Variants in NFKB2 observed in about 807,000 individuals in gnomAD.
NFKB2 encodes nuclear factor kappa B subunit 2.
In NFKB2, 21 loss-of-function variants were observed where a neutral mutation model predicts 109.3. The ratio of observed to expected loss-of-function variants is 0.19; its 90% confidence interval spans 0.14 to 0.28. The LOEUF is 0.28. Ranked by LOEUF, NFKB2 falls within the 10% of genes least tolerant of loss-of-function variation. NFKB2 has a pLI of 1.00. For synonymous variants in NFKB2, 478 were observed against 489.9 expected (o/e 0.98, Z 0.32); for missense variants, 806 against 1,185.3 (o/e 0.68, Z 4.70).
Position 102,397,250 on chromosome 10 carries a change from C to T in NFKB2, c.396-52C>T, listed in dbSNP as rs1195768319. ...CTGAGCCCTGGCAATGGGAAAGGTG[C>T]CTCAGGAAGAAAGAACTGCATGGCC... On this transcript the variant is annotated intron_variant, in intron 6 of 22. Coordinates refer to ENST00000661543, the MANE Select transcript of NFKB2 (RefSeq NM_001322934.2). The surrounding 1 kb of genome is among the most constrained non-coding windows in gnomAD (Gnocchi z 4.7). The T allele has an allele frequency of 1.3e-6, 2 of 1,578,858 alleles. No homozygotes were observed. The highest frequency in any genetic ancestry group is 1.7e-6 in the Non-Finnish European group (2 of 1,149,842).
At position 102,396,531 on chromosome 10, in the gene NFKB2, G is replaced by A. The variant is rs1205085788; in HGVS notation, c.144+42G>A. On this transcript the variant is annotated intron_variant, in intron 4 of 22. Coordinates refer to ENST00000661543, the MANE Select transcript of NFKB2 (RefSeq NM_001322934.2). The surrounding 1 kb of genome is among the most constrained non-coding windows in gnomAD (Gnocchi z 5.9). ...GAGGGTGTGGAATGGCTTCAGCTTT[G>A]GGGACAAATGGGGTAGTGGTAGCTG... is the stretch of plus-strand genomic sequence containing the variant. 1.9e-6 allele frequency: 3 copies of A among 1,612,944 alleles called. No individual in the cohort carries two copies. Among genetic ancestry groups the A allele is most frequent in the African/African-American group, 2.7e-5 (2 of 74,886 alleles).
Position 102,397,029 on chromosome 10 carries a change from T to C in NFKB2, c.369T>C (p.Ser123=). 1.2e-6 allele frequency: 2 copies of C among 1,613,280 alleles called. No homozygotes were observed. The highest frequency in any genetic ancestry group is 1.7e-6 in the Non-Finnish European group (2 of 1,179,516). ...QCSELGICAV[S]VGPKDMTAQF... Reference sequence around the variant, plus strand: ...CGGAGCTGGGGATCTGCGCCGTTTCTGTGGGGCCCAAGGACATGACTGCCC... The same window carrying C: ...CGGAGCTGGGGATCTGCGCCGTTTCCGTGGGGCCCAAGGACATGACTGCCC... Residue 123 remains serine (S), a synonymous_variant, in exon 6 of 23, where the codon TCT becomes TCC. Coordinates refer to ENST00000661543, the MANE Select transcript of NFKB2 (RefSeq NM_001322934.2). The surrounding 1 kb of genome is among the most constrained non-coding windows in gnomAD (Gnocchi z 4.7).
intron 14 of NFKB2, 169 bp downstream of exon 14, chr10:102,399,887 G>A (rs2061197283): frequency 4.4e-6 from 5 of 1,133,542 alleles, no homozygotes; most frequent in South Asian, 1.6e-5. Flanking sequence ...TTGGTCGACC[G>A]TGCAAGGGGT....
At chr10:102,399,828 C>A in intron 14 of NFKB2, 110 bp downstream of exon 14, 1 of 1,400,816 alleles carries the variant, frequency 7.1e-7, no homozygotes, top group South Asian at 1.5e-5. Flanking sequence ...AGTCCGGCCT[C>A]GGTGTTCACA....
At position 102,395,932 on chromosome 10, in the gene NFKB2, T is replaced by G. The variant is rs753214019; in HGVS notation, c.-28T>G. 7.5e-6 allele frequency: 12 copies of G among 1,597,176 alleles called. No individual in the cohort carries two copies. In the Middle Eastern group the frequency reaches 5.0e-4, roughly 66 times the overall value. On this transcript the variant is annotated 5_prime_UTR_variant, in exon 2 of 23. Transcript: ENST00000661543. ...GGAAGCAGAACCTGGCCGGAGCCAC[T>G]AGACAGAGCCGGGCCTAGCCCAGAG...
At chr10:102,395,653 C>T, upstream of NFKB2, 1 of 501,678 alleles carries the variant, frequency 2.0e-6, no homozygotes, top group Admixed American at 3.5e-5. Context: ...CAGGCCCGCC[C>T]CCTCCGGCCC....
Position 102,402,124 on chromosome 10 carries a change from G to T in NFKB2, c.2543G>T (p.Arg848Met). The T allele has an allele frequency of 6.3e-7, 1 of 1,579,528 alleles. No individual in the cohort carries two copies. The highest frequency in any genetic ancestry group is 2.3e-5 in the East Asian group (1 of 43,002). Residue 848 changes from arginine to methionine, a missense_variant, in exon 22 of 23, where the codon AGG becomes ATG. Arg to Met is a moderately conservative substitution (Grantham distance 91, BLOSUM62 -1). Transcript: ENST00000661543. ...MGLEEGVRLL[R>M]GPETRDKLPS... ...CTAGAGGAGGGAGTGAGGCTGCTGA[G>T]GGGTCCAGAAACCCGAGACAAGCTG...
chr10:102,396,931 A>C lies in NFKB2; in HGVS notation c.271A>C (p.Ile91Leu). 1 of 1,606,396 alleles carries C rather than the reference A, an allele frequency of 6.2e-7. No homozygotes were observed. Among genetic ancestry groups the C allele is most frequent in the South Asian group, 1.1e-5 (1 of 90,982 alleles). The change falls in exon 6 of 23, where the codon ATC becomes CTC. Residue 91 changes from isoleucine (I) to leucine (L), a missense_variant. This residue lies in a region of NFKB2 where 24 missense variants were observed against 105.2 expected (regional missense o/e 0.23). Coordinates refer to ENST00000661543, the MANE Select transcript of NFKB2 (RefSeq NM_001322934.2). This position sits in a 1 kb window ranked among gnomAD's most constrained non-coding sequence, Gnocchi z 5.9. ...CTGTAACTACGAGGGACCAGCCAAG[A>C]TCGAGGTGGACCTGGTAACACACAG... Reference protein sequence around the residue: ...KICNYEGPAKIEVDLVTHSDP... With the variant: ...KICNYEGPAKLEVDLVTHSDP...
Position 102,396,230 on chromosome 10 carries a change from C to T in NFKB2, c.22-23C>T. ...GGGGGGTGCTGAGAGTCGGATGCCA[C>T]CCCCAGTCTGTCTCCAAACCAGGGT... On this transcript the variant is annotated intron_variant, in intron 2 of 22. Coordinates refer to ENST00000661543, the MANE Select transcript of NFKB2 (RefSeq NM_001322934.2). This position sits in a 1 kb window ranked among gnomAD's most constrained non-coding sequence, Gnocchi z 5.9. The T allele has an allele frequency of 1.3e-6, 2 of 1,595,464 alleles. No individual in the cohort carries two copies. Among genetic ancestry groups the T allele is most frequent in the Non-Finnish European group, 1.7e-6 (2 of 1,165,670 alleles).
chr10:102,398,275 C>A lies in NFKB2; in HGVS notation c.830C>A (p.Ser277Tyr). ...GGATGGCAGGCCTTTGGGGACTTCT[C>A]TCCCACAGATGTGCATAAACAGGTA... Reference protein sequence around the residue: ...ENGWQAFGDFSPTDVHKQYAI... With the variant: ...ENGWQAFGDFYPTDVHKQYAI... Residue 277 changes from serine to tyrosine, a missense_variant, in exon 10 of 23, where the codon TCT (serine) becomes TAT (tyrosine). This residue lies in a region of NFKB2 where 64 missense variants were observed against 177.4 expected (regional missense o/e 0.36). Transcript: ENST00000661543. This position sits in a 1 kb window ranked among gnomAD's most constrained non-coding sequence, Gnocchi z 6.6. 1.2e-6 allele frequency: 2 copies of A among 1,614,182 alleles called. No homozygotes were observed. Among genetic ancestry groups the A allele is most frequent in the South Asian group, 1.1e-5 (1 of 91,084 alleles).
At position 102,398,769 on chromosome 10, in the gene NFKB2, A is replaced by C; in HGVS notation, c.1022A>C (p.Lys341Thr). Residue 341 changes from lysine (K) to threonine (T), a missense_variant, in exon 12 of 23, where the codon AAG becomes ACG. By Grantham distance (78) the Lys-to-Thr change is moderately conservative (BLOSUM62 -1). Transcript: ENST00000661543. This position sits in a 1 kb window ranked among gnomAD's most constrained non-coding sequence, Gnocchi z 6.6. ...GAAGAGGTGCAGCGGAAGCGGAGGA[A>C]GGCCTTGCCCACCTTCTCCCAGCCC... ...DKEEVQRKRR[K>T]ALPTFSQPFG... The C allele has an allele frequency of 6.2e-7, 1 of 1,612,586 alleles. No homozygotes were observed. Among genetic ancestry groups the C allele is most frequent in the Non-Finnish European group, 8.5e-7 (1 of 1,179,924 alleles).
Position 102,398,366 on chromosome 10 carries a change from G to A in NFKB2, c.853-19G>A, listed in dbSNP as rs190526305. On this transcript the variant is annotated intron_variant, in intron 10 of 22. Transcript: ENST00000661543. The surrounding 1 kb of genome is among the most constrained non-coding windows in gnomAD (Gnocchi z 6.6). ...GGCTAAGGACTCACTGACACCCTGT[G>A]TCTCCCTGCACCCCCCAGTATGCCA... 1.2e-5 allele frequency: 19 copies of A among 1,613,964 alleles called. No homozygotes were observed. In the African/African-American group the frequency reaches 2.1e-4, roughly 18 times the overall value.
rs1270241242 is a variant in NFKB2 at position 102,401,948 on chromosome 10, A to G, written c.2466+31A>G. 1 of 1,600,206 alleles carries G rather than the reference A, an allele frequency of 6.2e-7. No individual in the cohort carries two copies. The highest frequency in any genetic ancestry group is 8.5e-7 in the Non-Finnish European group (1 of 1,171,966). On this transcript the variant is annotated intron_variant, in intron 21 of 22. Transcript: ENST00000661543. The surrounding 1 kb of genome is among the most constrained non-coding windows in gnomAD (Gnocchi z 4.2). ...TTGGCCTGTGCCCTGCCCCCTCCCCAGCCTCCTTTCCCGATCTGAGTCCAG... is the reference window on the plus strand; with the variant it reads ...TTGGCCTGTGCCCTGCCCCCTCCCCGGCCTCCTTTCCCGATCTGAGTCCAG...
chr10:102,402,239 C>T lies in NFKB2; in HGVS notation c.2579-13C>T. On this transcript the variant is annotated splice_polypyrimidine_tract_variant and intron_variant, in intron 22 of 22. Transcript: ENST00000661543. ...GCTTTGACTATCCCATTCCTGTCCC[C>T]ATTTACCCCCAGCAGAGGTGAAGGA... is the stretch of plus-strand genomic sequence containing the variant. The T allele has an allele frequency of 6.4e-7, 1 of 1,550,828 alleles. No individual in the cohort carries two copies.
At position 102,398,913 on chromosome 10, in the gene NFKB2, A is replaced by C; in HGVS notation, c.1117+49A>C. 6.4e-7 allele frequency: 1 copy of C among 1,569,864 alleles called. No individual in the cohort carries two copies. ...GGGGTAAAGGTAAGAGAAGCTGTGGAGGAAAAAAATCTGGGGGAGGCCGGG... is the reference window on the plus strand; with the variant it reads ...GGGGTAAAGGTAAGAGAAGCTGTGGCGGAAAAAAATCTGGGGGAGGCCGGG... On this transcript the variant is annotated intron_variant, in intron 12 of 22. Transcript: ENST00000661543. This position sits in a 1 kb window ranked among gnomAD's most constrained non-coding sequence, Gnocchi z 6.6.
Position 102,402,137 on chromosome 10 carries a change from C to T in NFKB2, c.2556C>T (p.Thr852=), listed in dbSNP as rs1169027638. ...TGAGGCTGCTGAGGGGTCCAGAAAC[C>T]CGAGACAAGCTGCCCAGCACAGGTA... is the stretch of plus-strand genomic sequence containing the variant. ...EGVRLLRGPE[T]RDKLPSTAEV... Residue 852 remains threonine (T), a synonymous_variant, in exon 22 of 23, where the codon ACC becomes ACT. Coordinates refer to ENST00000661543, the MANE Select transcript of NFKB2 (RefSeq NM_001322934.2). The T allele has an allele frequency of 4.4e-6, 7 of 1,577,384 alleles. No homozygotes were observed. The Admixed American group carries it at 1.3e-4, about 29-fold the overall frequency.
At chr10:102,394,147 A>C (rs1253223572), upstream of NFKB2, 2 of 152,272 alleles carry the variant, frequency 1.3e-5, no homozygotes, top group African/African-American at 2.4e-5. Context: ...CGCGCCGCTC[A>C]GGGTGGGGGC....
Position 102,399,454 on chromosome 10 carries a change from G to T in NFKB2, c.1284G>T (p.Arg428Ser), listed in dbSNP as rs1363156566. Residue 428 changes from arginine (R) to serine (S), a missense_variant, in exon 13 of 23, where the codon AGG (arginine) becomes AGT (serine). This residue lies in a region of NFKB2 where 209 missense variants were observed against 211.9 expected (regional missense o/e 0.99). Coordinates refer to ENST00000661543, the MANE Select transcript of NFKB2 (RefSeq NM_001322934.2). Reference protein sequence around the residue: ...EEAAEPSAPSRTPQCEPQAPE... With the variant: ...EEAAEPSAPSSTPQCEPQAPE... ...CCGCGGAGCCAAGCGCCCCCTCCAG[G>T]ACCCCCCAGTGCGAGCCGCAGGCCC... is the stretch of plus-strand genomic sequence containing the variant. 1.3e-6 allele frequency: 2 copies of T among 1,514,964 alleles called. No individual in the cohort carries two copies. The highest frequency in any genetic ancestry group is 2.5e-5 in the South Asian group (2 of 80,720). The allele number at this position is 1,514,964 out of a possible 1,614,324, so 93.8% of individuals were successfully genotyped here.
chr10:102,401,504 C>A lies in NFKB2; in HGVS notation c.2279C>A (p.Pro760Gln). ...AACACCATGGAGCCACCCCTGACCC[C>A]GCCCAGCCCAGCAGGTGAGAAGCAT... ...AQNTMEPPLTPPSPAGPGLSL... is the reference protein window; with the variant it reads ...AQNTMEPPLTQPSPAGPGLSL... The change falls in exon 20 of 23, where the codon CCG (proline) becomes CAG (glutamine). Residue 760 changes from proline (P) to glutamine (Q), a missense_variant. Transcript: ENST00000661543. This position sits in a 1 kb window ranked among gnomAD's most constrained non-coding sequence, Gnocchi z 4.2. The A allele has an allele frequency of 6.2e-7, 1 of 1,613,294 alleles. No homozygotes were observed. The highest frequency in any genetic ancestry group is 8.5e-7 in the Non-Finnish European group (1 of 1,179,958).
Sources: allele counts gnomAD v4.1 joint callset, GRCh38; gene constraint gnomAD v4.1.1; regional missense constraint gnomAD v4.1.1; non-coding constraint Gnocchi (gnomAD v3.1); transcripts MANE v1.5; gene names NCBI Gene and HGNC (gene_info 2026-07-23, HGNC 2026-07-21).